The following APOBEC1 variants were observed in gnomAD, a reference collection of about 807,000 sequenced individuals.
The protein encoded by APOBEC1 is C->U-editing enzyme APOBEC-1.
In APOBEC1, 22 loss-of-function variants were observed where a neutral mutation model predicts 26.3. The observed-to-expected ratio is 0.84, with a 90% CI of 0.60 to 1.19. The LOEUF is 1.19. Among genes scored for constraint, APOBEC1 ranks in the 50% most tolerant of loss-of-function variants. The pLI, the probability that APOBEC1 is intolerant of heterozygous loss-of-function variation, is 0.00. For missense variants in APOBEC1, 253 were observed against 289.0 expected (o/e 0.88, Z 0.90); for synonymous variants, 77 against 95.3 (o/e 0.81, Z 1.12).
At chr12:7,651,611 CAA>C (rs370874683) in intron 3 of APOBEC1, among the ~76,000 whole-genome samples, 58,266 of 110,794 alleles carry the variant, frequency 0.53, 15,530 homozygotes, top group Non-Finnish European at 0.63. Context: ...GACTCCGTCT[CAA>C]AAAAAAAAAA....
upstream of APOBEC1, among the ~76,000 whole-genome samples, chr12:7,666,312 A>G (rs1228974771): frequency 6.8e-6 from 1 of 146,894 alleles, no homozygotes; most frequent in Non-Finnish European, 1.5e-5. Flanking sequence ...TTTTTCTTTG[A>G]GACGGAGTTT....
At chr12:7,663,935 C>T (rs1863858318) in intron 1 of APOBEC1, among the ~76,000 whole-genome samples, 1 of 152,022 alleles carries the variant, frequency 6.6e-6, no homozygotes, top group Non-Finnish European at 1.5e-5. Flanking sequence ...CGGCTCACTG[C>T]AACCTCCGCC....
intron 1 of APOBEC1, among the ~76,000 whole-genome samples, chr12:7,662,841 T>C (rs9651861): frequency 0.86 from 130,255 of 152,080 alleles, 57,392 homozygotes; most frequent in Middle Eastern, 0.98. Context: ...GCAAGTCAGC[T>C]TGGCTGGGTC....
intron 1 of APOBEC1, among the ~76,000 whole-genome samples, chr12:7,663,836 C>T (rs1413080100): frequency 6.6e-6 from 1 of 151,704 alleles, no homozygotes; most frequent in African/African-American, 2.4e-5. Context: ...GTCTTTCCCC[C>T]AGTATGCCAC....
intron 4 of APOBEC1, 40 bp from the exon 5 acceptor site, chr12:7,649,736 T>A: frequency 1.5e-6 from 2 of 1,356,318 alleles, no homozygotes; most frequent in Admixed American, 3.9e-5. Context: ...TTAGGATGAA[T>A]ATTTTAATTA....
intron 1 of APOBEC1, among the ~76,000 whole-genome samples, chr12:7,665,156 C>T (rs1863876294): frequency 6.6e-6 from 1 of 152,162 alleles, no homozygotes; most frequent in Non-Finnish European, 1.5e-5. Context: ...TCTTCCTCTC[C>T]CATGCATTTT....
At chr12:7,658,470 A>G (rs1306793093) in intron 1 of APOBEC1, among the ~76,000 whole-genome samples, 1 of 152,138 alleles carries the variant, frequency 6.6e-6, no homozygotes, top group African/African-American at 2.4e-5. Flanking sequence ...GAGAAAGGCG[A>G]TACAGGAATT....
At chr12:7,660,603 C>A (rs1218614477) in intron 1 of APOBEC1, among the ~76,000 whole-genome samples, 1 of 141,006 alleles carries the variant, frequency 7.1e-6, no homozygotes, top group Non-Finnish European at 1.5e-5. Flanking sequence ...CTCAGGAGGC[C>A]GAGGCACAAG....
chr12:7,654,738 A>C, intron 1 of APOBEC1, 106 bp from the exon 2 acceptor site: 1 of 1,114,194 alleles, frequency 9.0e-7, no homozygotes, highest in South Asian at 1.3e-5. Context: ...CAGAAAATGG[A>C]ATTTGAAGAT....
upstream of APOBEC1, among the ~76,000 whole-genome samples, chr12:7,668,387 C>T (rs895985305): frequency 2.0e-5 from 3 of 152,086 alleles, no homozygotes; most frequent in Non-Finnish European, 2.9e-5. Flanking sequence ...TTTCATGAAG[C>T]GGCAATAGGA....
chr12:7,649,812 T>C (rs1424622579), intron 4 of APOBEC1, 116 bp from the exon 5 acceptor site: 1 of 923,188 alleles, frequency 1.1e-6, no homozygotes, highest in African/African-American at 1.7e-5. Context: ...TTCTTCTTTT[T>C]TTTTTTTCCC....
In APOBEC1 at chr12:7,665,843, C is replaced by T. The variant is rs371402293; in HGVS notation, c.16+14G>A. The stretch of plus-strand genomic sequence containing the variant: ...TGTTCAAGAATACTTGCCAAGCCCC[C>T]GGATCCATTTTACCTTTCTCAGAAG... On this transcript the variant is annotated intron_variant, in intron 1 of 4. Transcript: ENST00000229304. The T allele has an allele frequency of 2.1e-5, 34 of 1,611,096 alleles. No individual in the cohort carries two copies. The highest frequency in any genetic ancestry group is 8.1e-5 in the African/African-American group (6 of 74,402).
Position 7,649,436 on chromosome 12 carries a change from T to G in APOBEC1, c.*111A>C. 8.4e-7 allele frequency: 1 copy of G among 1,189,510 alleles called. No individual in the cohort carries two copies. Among genetic ancestry groups the G allele is most frequent in the Middle Eastern group, 2.0e-4 (1 of 4,998 alleles). The allele number at this position is 1,189,510 out of a possible 1,614,324, so 73.7% of individuals were successfully genotyped here. On this transcript the variant is annotated 3_prime_UTR_variant, in exon 5 of 5. Transcript: ENST00000229304. The stretch of plus-strand genomic sequence containing the variant: ...ATACATATTTATTGTTGGTTTAAGC[T>G]ACAGAGTTTTGGGGTACCTTGTGAA...
chr12:7,651,382 G>C (rs918411602), intron 3 of APOBEC1, among the ~76,000 whole-genome samples: 1 of 152,110 alleles, frequency 6.6e-6, no homozygotes, highest in Non-Finnish European at 1.5e-5. Context: ...TTGGGAGGCC[G>C]AGGGGGGTGG....
chr12:7,650,498 G>C (rs773130794), intron 4 of APOBEC1, among the ~76,000 whole-genome samples: 6 of 152,086 alleles, frequency 3.9e-5, no homozygotes, highest in Non-Finnish European at 7.4e-5. Flanking sequence ...ATCTTAGATC[G>C]GTTTACCCAA....
At chr12:7,667,929 A>AG (rs1037170003), upstream of APOBEC1, among the ~76,000 whole-genome samples, 1 of 151,568 alleles carries the variant, frequency 6.6e-6, no homozygotes, top group African/African-American at 2.4e-5. Flanking sequence ...AAAGAAAAAA[A>AG]AAAAAAGGTA....
intron 1 of APOBEC1, 58 bp from the exon 2 acceptor site, chr12:7,654,690 G>A: frequency 6.6e-7 from 1 of 1,517,236 alleles, no homozygotes; most frequent in East Asian, 2.3e-5. Flanking sequence ...GAGTTGCTAA[G>A]AAAAAGTGCT....
intron 4 of APOBEC1, among the ~76,000 whole-genome samples, chr12:7,650,347 C>T (rs1366039509): frequency 6.6e-6 from 1 of 152,102 alleles, no homozygotes; most frequent in African/African-American, 2.4e-5. Flanking sequence ...GAGTTTGAGG[C>T]TGTGGGTTGC....
At chr12:7,670,559 A>G (rs781180818), upstream of APOBEC1, among the ~76,000 whole-genome samples, 43 of 139,540 alleles carry the variant, frequency 3.1e-4, 5 homozygotes, top group Middle Eastern at 3.6e-3. Context: ...GTTCGAGACC[A>G]GTCTGACCAA....
Sources: gnomAD v4.1 joint callset for allele counts (sites outside exome capture counted in the v4.1 genomes callset) on GRCh38, gnomAD v4.1.1 for gene constraint, MANE v1.5 for transcripts, NCBI Gene and HGNC (gene_info 2026-07-23, HGNC 2026-07-21) for gene names.